SLC27A5: variants seen among roughly 807,000 people sequenced by gnomAD.
SLC27A5 encodes the protein long-chain fatty acid transport protein 5.
In SLC27A5, 47 loss-of-function variants were observed where a neutral mutation model predicts 63.1. The ratio of observed to expected loss-of-function variants is 0.74; its 90% CI spans 0.59 to 0.95. The LOEUF (loss-of-function observed/expected upper bound fraction) is 0.95. Ranked by LOEUF, SLC27A5 falls within the 40% of genes least tolerant of loss-of-function variation. The probability of loss-of-function intolerance (pLI) is 0.00; values close to 1 mark genes in which losing one functional copy is unlikely to be tolerated. For synonymous variants in SLC27A5, 391 were observed against 403.8 expected (o/e 0.97, Z 0.38); for missense variants, 940 against 921.0 (o/e 1.02, Z -0.27).
chr19:58,510,972 C>A (rs912243496), intron 1 of SLC27A5, 42 bp from the exon 2 acceptor site: 2 of 1,498,248 alleles, frequency 1.3e-6, no homozygotes, highest in African/African-American at 1.4e-5. Flanking sequence ...CAAGGCTCAC[C>A]TTTGAGGTTG....
intron 4 of SLC27A5, 154 bp downstream of exon 4, chr19:58,501,132 T>C: frequency 7.9e-7 from 1 of 1,260,804 alleles, no homozygotes; most frequent in Non-Finnish European, 1.1e-6. Context: ...GAAACCATTA[T>C]TGGAAGCCTT....
chr19:58,500,598 C>T lies in SLC27A5; in HGVS notation c.1291G>A (p.Val431Ile). The change falls in exon 5 of 10, where the codon GTC becomes ATC. Residue 431 changes from valine to isoleucine, a missense_variant. Coordinates refer to ENST00000263093, the MANE Select transcript of SLC27A5 (RefSeq NM_012254.3). ...QRFGPIRIWE[V>I]YGSTEGNMGL... ...ATGTTGCCTTCTGTGGAGCCGTAGA[C>T]TTCCCAGATCCGAATAGGACCGAAG... 6.2e-7 allele frequency: 1 copy of T among 1,614,164 alleles called. No individual in the cohort carries two copies. The highest frequency in any genetic ancestry group is 8.5e-7 in the Non-Finnish European group (1 of 1,180,040).
intron 3 of SLC27A5, among the ~76,000 whole-genome samples, chr19:58,506,317 C>T (rs551154499): frequency 2.7e-4 from 40 of 150,482 alleles, no homozygotes; most frequent in African/African-American, 9.3e-4. Flanking sequence ...GGTGGATCAC[C>T]TGAGGTCAGG....
At chr19:58,501,524 A>C in intron 3 of SLC27A5, 114 bp from the exon 4 acceptor site, 1 of 1,194,350 alleles carries the variant, frequency 8.4e-7, no homozygotes, top group Non-Finnish European at 1.2e-6. Context: ...GACAATACTG[A>C]GTTCATCTTT....
Position 58,511,989 on chromosome 19 carries a change from G to T in SLC27A5, c.-34C>A. The T allele has an allele frequency of 6.6e-7, 1 of 1,504,082 alleles. No individual in the cohort carries two copies. The highest frequency in any genetic ancestry group is 8.9e-7 in the Non-Finnish European group (1 of 1,126,316). 93.2% of individuals were successfully genotyped at this position (1,504,082 alleles called of 1,614,324 possible). A position where few individuals can be genotyped will look rare whatever the true frequency, so the allele number is the denominator to read the frequency against. On this transcript the variant is annotated 5_prime_UTR_variant, in exon 1 of 10. Transcript: ENST00000263093. ...CTCCTCCCTAGGAGCAGCAGCTGTG[G>T]AGTGTTCAGGCTCACCTCTGGCCCC... is the stretch of plus-strand genomic sequence containing the variant.
rs772177178 is a variant in SLC27A5, at chr19:58,499,663, A to T, written c.1496T>A (p.Val499Glu). 5 of 1,611,796 alleles carry T rather than the reference A, an allele frequency of 3.1e-6. No homozygotes were observed. In the East Asian group the frequency reaches 1.1e-4, roughly 36 times the overall value. ...LGEPGLLLTK[V>E]VSQQPFVGYR... ...GCCCACGAAGGGTTGCTGGCTTACCACCTTGGTCAGCAGCAGCCCCGGCTC... is the reference window on the plus strand; with the variant it reads ...GCCCACGAAGGGTTGCTGGCTTACCTCCTTGGTCAGCAGCAGCCCCGGCTC... The change falls in exon 7 of 10, where the codon GTG becomes GAG. Residue 499 changes from valine to glutamate, a missense_variant. By Grantham distance (121) the Val-to-Glu change is moderately radical (BLOSUM62 -2). Transcript: ENST00000263093.
intron 3 of SLC27A5, among the ~76,000 whole-genome samples, chr19:58,502,294 G>A (rs10427075): frequency 7.6e-6 from 1 of 131,578 alleles, no homozygotes. Context: ...TGAACAGTTA[G>A]AGTAGTGAGT....
At position 58,500,330 on chromosome 19, in the gene SLC27A5, C is replaced by T. The variant is rs1156247371; in HGVS notation, c.1468+9G>A. On this transcript the variant is annotated intron_variant, in intron 6 of 9. Transcript: ENST00000263093. Reference sequence around the variant, plus strand: ...CTGCCACCCAGGAAAGGCTCCTCAACCCCCATACCTAGCCCTACAGGGATG... The same window carrying T: ...CTGCCACCCAGGAAAGGCTCCTCAATCCCCATACCTAGCCCTACAGGGATG... The T allele has an allele frequency of 3.1e-6, 5 of 1,610,680 alleles. No homozygotes were observed. The African/African-American group carries it at 4.0e-5, about 13-fold the overall frequency.
intron 3 of SLC27A5, among the ~76,000 whole-genome samples, chr19:58,504,107 T>C (rs2053314568): frequency 6.6e-6 from 1 of 152,066 alleles, no homozygotes; most frequent in Admixed American, 6.6e-5. Context: ...AAAGCAAGAC[T>C]CTGTCTCTAA....
In SLC27A5 at chr19:58,500,395, A is replaced by G. The variant is rs368262442; in HGVS notation, c.1412T>C (p.Met471Thr). Reference sequence around the variant, plus strand: ...GTCCCTCACAGGCTCCGCCGCCTCCATGTCGAACTGCACCAGCTCAAAGGG... The same window carrying G: ...GTCCCTCACAGGCTCCGCCGCCTCCGTGTCGAACTGCACCAGCTCAAAGGG... Reference protein sequence around the residue: ...LSPFELVQFDMEAAEPVRDNQ... With the variant: ...LSPFELVQFDTEAAEPVRDNQ... Residue 471 changes from methionine (M) to threonine (T), a missense_variant, in exon 6 of 10, where the codon ATG becomes ACG. Physicochemically the swap from Met to Thr is moderately conservative, Grantham distance 81. Coordinates refer to ENST00000263093, the MANE Select transcript of SLC27A5 (RefSeq NM_012254.3). 3.1e-6 allele frequency: 5 copies of G among 1,613,676 alleles called. No homozygotes were observed. Among genetic ancestry groups the G allele is most frequent in the African/African-American group, 2.7e-5 (2 of 74,880 alleles).
intron 8 of SLC27A5, 22 bp from the exon 9 acceptor site, chr19:58,498,937 C>A: frequency 6.2e-7 from 1 of 1,604,524 alleles, no homozygotes; most frequent in Non-Finnish European, 8.5e-7. Context: ...TCTGGTCACT[C>A]TCGGCTGACC....
At chr19:58,499,380 G>C (rs1273262837) in intron 7 of SLC27A5, 112 bp downstream of exon 7, 108 of 1,373,440 alleles carry the variant, frequency 7.9e-5, no homozygotes, top group Non-Finnish European at 1.0e-4. Flanking sequence ...CTGACTCCAA[G>C]TTCCGCCCTC....
chr19:58,501,129 T>G, intron 4 of SLC27A5, 157 bp downstream of exon 4: 1 of 1,250,078 alleles, frequency 8.0e-7, no homozygotes, highest in Non-Finnish European at 1.1e-6. Context: ...AAAGAAACCA[T>G]TATTGGAAGC....
chr19:58,502,734 GGTGGA>G (rs2053292511), intron 3 of SLC27A5, among the ~76,000 whole-genome samples: 3 of 150,762 alleles, frequency 2.0e-5, no homozygotes, highest in African/African-American at 7.4e-5. Context: ...TAGATGGATG[GGTGGA>G]CAGTTAGAGT....
chr19:58,507,157 G>C (rs964958446), intron 3 of SLC27A5, among the ~76,000 whole-genome samples: 3 of 151,904 alleles, frequency 2.0e-5, no homozygotes, highest in African/African-American at 4.8e-5. Flanking sequence ...AGGTGTTGGA[G>C]ACCAGCCTGG....
chr19:58,508,975 G>A (rs947518407), intron 3 of SLC27A5: 6 of 151,848 alleles, frequency 4.0e-5, no homozygotes, highest in African/African-American at 1.5e-4. Context: ...TACTCAGGAG[G>A]CTGAGGCAGG....
Position 58,509,840 on chromosome 19 carries a change from G to C in SLC27A5, c.1057+7C>G. 6.2e-7 allele frequency: 1 copy of C among 1,609,218 alleles called. No individual in the cohort carries two copies. Among genetic ancestry groups the C allele is most frequent in the Middle Eastern group, 1.7e-4 (1 of 6,048 alleles). ...TAGACTGGAGGGATCCTCAGAAGTGGGCTTACCGAGATCTAAGCAGCCGAG... is the reference window on the plus strand; with the variant it reads ...TAGACTGGAGGGATCCTCAGAAGTGCGCTTACCGAGATCTAAGCAGCCGAG... On this transcript the variant is annotated splice_region_variant and intron_variant, in intron 3 of 9. Coordinates refer to ENST00000263093, the MANE Select transcript of SLC27A5 (RefSeq NM_012254.3).
chr19:58,499,082 C>G (rs368570614), intron 8 of SLC27A5, 41 bp downstream of exon 8: 2 of 1,610,924 alleles, frequency 1.2e-6, no homozygotes, highest in Non-Finnish European at 1.7e-6. Flanking sequence ...ACCCCTCCAC[C>G]CACAAAGCTG....
intron 3 of SLC27A5, among the ~76,000 whole-genome samples, chr19:58,503,130 G>A (rs535991097): frequency 6.6e-6 from 1 of 151,212 alleles, no homozygotes; most frequent in African/African-American, 2.4e-5. Context: ...GCGTGAACCT[G>A]GGAGGCGGAG....
Sources: gnomAD v4.1 joint callset for allele counts (sites outside exome capture counted in the v4.1 genomes callset) on GRCh38, gnomAD v4.1.1 for gene constraint, MANE v1.5 for transcripts, NCBI Gene and HGNC (gene_info 2026-07-23, HGNC 2026-07-21) for gene names.